C8A: variants seen among roughly 807,000 people sequenced by gnomAD.
C8A encodes the protein complement C8 alpha chain.
C8A carries 67 observed loss-of-function variants against 65.3 expected under a neutral mutation model. The ratio of observed to expected loss-of-function variants is 1.03; its 90% CI spans 0.84 to 1.26. The LOEUF is 1.26. C8A is among the 50% of genes most tolerant of loss of function. C8A has a pLI of 0.00. For synonymous variants in C8A, 290 were observed against 259.4 expected (o/e 1.12, Z -1.13); for missense variants, 781 against 723.9 (o/e 1.08, Z -0.90).
intron 9 of C8A, among the ~76,000 whole-genome samples, chr1:56,909,168 C>A (rs887482619): frequency 6.6e-6 from 1 of 152,240 alleles, no homozygotes; most frequent in Non-Finnish European, 1.5e-5. Flanking sequence ...ATTGTTCTAG[C>A]AGTTGCCAAA....
chr1:56,866,678 A>G (rs1425440821), intron 1 of C8A, among the ~76,000 whole-genome samples: 1 of 152,196 alleles, frequency 6.6e-6, no homozygotes, highest in African/African-American at 2.4e-5. Flanking sequence ...CAGTGTTCCC[A>G]CTTTCCCAGT....
At chr1:56,887,794 T>A (rs1390729091) in intron 7 of C8A, among the ~76,000 whole-genome samples, 1 of 152,130 alleles carries the variant, frequency 6.6e-6, no homozygotes, top group Non-Finnish European at 1.5e-5. Flanking sequence ...CACGGAATAC[T>A]ATGCAGCCAC....
chr1:56,917,671 A>G lies in C8A; in HGVS notation c.1710A>G (p.Gly570=). The change falls in exon 11 of 11, where the codon GGA becomes GGG. Residue 570 remains glycine, a synonymous_variant. Coordinates refer to ENST00000361249, the MANE Select transcript of C8A (RefSeq NM_000562.3). ...GTGACAATCCAGCACCTCAGAATGG[A>G]GGGGCCTCGTGTCCAGGGCGGAAAG... The part of the protein sequence containing the change: ...RECDNPAPQN[G]GASCPGRKVQ... 6.2e-7 allele frequency: 1 copy of G among 1,614,186 alleles called. No homozygotes were observed. Among genetic ancestry groups the G allele is most frequent in the Non-Finnish European group, 8.5e-7 (1 of 1,180,030 alleles).
At chr1:56,886,248 A>G (rs939299754) in intron 7 of C8A, 81 bp downstream of exon 7, 30 of 1,532,300 alleles carry the variant, frequency 2.0e-5, no homozygotes, top group Non-Finnish European at 2.4e-5. Context: ...AGCACTGACT[A>G]TGAGCCATGG....
At chr1:56,915,160 T>A (rs981365115) in intron 10 of C8A, among the ~76,000 whole-genome samples, 6 of 152,210 alleles carry the variant, frequency 3.9e-5, no homozygotes, top group Admixed American at 2.6e-4. Flanking sequence ...TAGAGAATTG[T>A]TCTGGGTTGT....
In C8A at chr1:56,879,906, T is replaced by C. The variant is rs535261155; in HGVS notation, c.465-1539T>C. ...TTTATCCCCTGCTCCTTTCCTGCCT[T>C]GTGCCTTTTCACAGAGGCCATAAAC... On this transcript the variant is annotated intron_variant, in intron 4 of 10. Transcript: ENST00000361249. Among the ~76,000 whole-genome samples, 51 of 152,300 alleles carry C rather than the reference T, an allele frequency of 3.3e-4. 1 individual carries two copies. Among genetic ancestry groups the C allele is most frequent in the Admixed American group, 2.5e-3 (38 of 15,284 alleles).
chr1:56,904,368 T>C (rs1644448444), intron 7 of C8A, among the ~76,000 whole-genome samples: 1 of 152,202 alleles, frequency 6.6e-6, no homozygotes, highest in African/African-American at 2.4e-5. Context: ...TACAGATTGG[T>C]CTTCATTTAA....
At chr1:56,883,072 C>T (rs995732481) in intron 5 of C8A, among the ~76,000 whole-genome samples, 1 of 152,164 alleles carries the variant, frequency 6.6e-6, no homozygotes, top group African/African-American at 2.4e-5. Flanking sequence ...GTTTCCTTTG[C>T]TTCTTTCCTC....
Position 56,883,681 on chromosome 1 carries a change from G to T in C8A, c.855G>T (p.Lys285Asn). ...FLNELNKYNE[K>N]KFIFTRIFTK... ...ACGAATTAAACAAGTATAATGAGAA[G>T]GTATTCAAACATAATGTCTGTGTCT... is the stretch of plus-strand genomic sequence containing the variant. Residue 285 changes from lysine (K) to asparagine (N), a missense_variant and splice_region_variant, in exon 6 of 11, where the codon AAG (lysine) becomes AAT (asparagine). Transcript: ENST00000361249. The T allele has an allele frequency of 6.2e-7, 1 of 1,611,066 alleles. No homozygotes were observed. Among genetic ancestry groups the T allele is most frequent in the South Asian group, 1.1e-5 (1 of 91,008 alleles).
intron 7 of C8A, among the ~76,000 whole-genome samples, chr1:56,893,146 C>T (rs1644361162): frequency 6.6e-6 from 1 of 151,968 alleles, no homozygotes; most frequent in African/African-American, 2.4e-5. Context: ...GCTGGTATGT[C>T]ACATTTCTGA....
At chr1:56,896,728 T>C (rs1346390065) in intron 7 of C8A, among the ~76,000 whole-genome samples, 1 of 151,032 alleles carries the variant, frequency 6.6e-6, no homozygotes, top group African/African-American at 2.5e-5. Context: ...AAGATAGACA[T>C]GTGGGAAAGC....
chr1:56,917,198 G>A (rs967869357), intron 10 of C8A, among the ~76,000 whole-genome samples: 6 of 152,244 alleles, frequency 3.9e-5, no homozygotes, highest in South Asian at 2.1e-4. Flanking sequence ...TGAGCACAGA[G>A]GTCTTGGCTG....
At chr1:56,879,286 C>T (rs181168603) in intron 4 of C8A, among the ~76,000 whole-genome samples, 2 of 152,272 alleles carry the variant, frequency 1.3e-5, no homozygotes, top group East Asian at 3.9e-4. Flanking sequence ...TACAAAAATG[C>T]TGCAATGAAC....
At chr1:56,861,253 G>A (rs1195245486) in intron 1 of C8A, among the ~76,000 whole-genome samples, 1 of 152,122 alleles carries the variant, frequency 6.6e-6, no homozygotes, top group South Asian at 2.1e-4. Flanking sequence ...GAAAATGTAT[G>A]CAAATATTTT....
chr1:56,891,060 T>G (rs1236537761), intron 7 of C8A, among the ~76,000 whole-genome samples: 1 of 152,090 alleles, frequency 6.6e-6, no homozygotes, highest in East Asian at 1.9e-4. Context: ...TAAAAGCCAT[T>G]TAGAAAATGA....
intron 10 of C8A, among the ~76,000 whole-genome samples, chr1:56,913,658 CTGTT>C (rs141932876): frequency 0.1 from 15,581 of 152,150 alleles, 1,240 homozygotes; most frequent in African/African-American, 0.22. Context: ...GCACATAAAA[CTGTT>C]TGTATGGTAC....
In C8A at chr1:56,883,461, T is replaced by G; in HGVS notation, c.655-20T>G. On this transcript the variant is annotated intron_variant, in intron 5 of 10. Transcript: ENST00000361249. ...TGGCTCTATGTGCACAAAGCTAATA[T>G]CTATCCTTTTTTTTTTCAGGCCCTG... The G allele has an allele frequency of 6.3e-7, 1 of 1,599,440 alleles. No individual in the cohort carries two copies. The highest frequency in any genetic ancestry group is 8.6e-7 in the Non-Finnish European group (1 of 1,166,968).
Position 56,918,098 on chromosome 1 carries a change from G to A in C8A, c.*382G>A, listed in dbSNP as rs574526182. 1 of 186,220 alleles carries A rather than the reference G, an allele frequency of 5.4e-6. No homozygotes were observed. Among genetic ancestry groups the A allele is most frequent in the South Asian group, 1.2e-4 (1 of 8,048 alleles). The allele number at this position is 186,220 out of a possible 1,614,324, so 11.5% of individuals were successfully genotyped here. On this transcript the variant is annotated 3_prime_UTR_variant, in exon 11 of 11. Coordinates refer to ENST00000361249, the MANE Select transcript of C8A (RefSeq NM_000562.3). ...AATCAACGCCCAATAAAACAAAGTA[G>A]GATGAAAATTCTCTTAGTTCTTTGA...
At chr1:56,884,282 G>T (rs527266704) in intron 6 of C8A, among the ~76,000 whole-genome samples, 1 of 152,094 alleles carries the variant, frequency 6.6e-6, no homozygotes, top group Admixed American at 6.6e-5. Context: ...CTGGAGATGA[G>T]GAAGCCACAC....
Sources: gnomAD v4.1 joint callset for allele counts (sites outside exome capture counted in the v4.1 genomes callset) on GRCh38, gnomAD v4.1.1 for gene constraint, MANE v1.5 for transcripts, NCBI Gene and HGNC (gene_info 2026-07-23, HGNC 2026-07-21) for gene names.